Variants in SLC37A1 observed in about 807,000 individuals in gnomAD.
SLC37A1 encodes solute carrier family 37 member 1.
In SLC37A1, 49 loss-of-function variants were observed where a neutral mutation model predicts 75.3. That is an observed-to-expected ratio of 0.65 (90% confidence interval 0.52 to 0.83). The LOEUF (loss-of-function observed/expected upper bound fraction) is 0.83, where lower values mean the gene tolerates loss of function less well. SLC37A1 is among the 40% of genes least tolerant of loss of function. The pLI, the probability that SLC37A1 is intolerant of heterozygous loss-of-function variation, is 0.00. For missense variants in SLC37A1, 566 were observed against 695.0 expected, an observed-to-expected ratio of 0.81 and a Z score of 2.09; for synonymous variants, 268 against 292.1, an observed-to-expected ratio of 0.92 and a Z score of 0.84.
chr21:42,574,016 CGT>C (rs775086165), intron 17 of SLC37A1, among the ~76,000 whole-genome samples: 4 of 11,634 alleles, frequency 3.4e-4, no homozygotes, highest in Non-Finnish European at 6.6e-4. Flanking sequence ...ATCATGCACC[CGT>C]GTTTTTACAC....
chr21:42,572,720 T>C (rs2056214946), intron 17 of SLC37A1, among the ~76,000 whole-genome samples: 1 of 142,666 alleles, frequency 7.0e-6, no homozygotes, highest in South Asian at 2.3e-4. Flanking sequence ...AGCTTAGTCT[T>C]CTGTTGGCTC....
intron 2 of SLC37A1, among the ~76,000 whole-genome samples, chr21:42,521,594 C>T (rs573707522): frequency 1.3e-5 from 2 of 152,352 alleles, no homozygotes; most frequent in South Asian, 4.1e-4. Flanking sequence ...ACGTGGTCTT[C>T]CAGAACATCT....
chr21:42,524,923 G>A (rs952038286), intron 2 of SLC37A1, among the ~76,000 whole-genome samples: 2 of 152,196 alleles, frequency 1.3e-5, no homozygotes, highest in Non-Finnish European at 2.9e-5. Context: ...AACCGACCAC[G>A]TGATTAGAGG....
Position 42,539,566 on chromosome 21 carries a change from C to G in SLC37A1, c.405C>G (p.Leu135=), listed in dbSNP as rs116869533. The G allele has an allele frequency of 9.2e-4, 1,490 of 1,613,972 alleles. 16 individuals carry two copies. The African/African-American group carries it at 0.016, about 17-fold the overall frequency. Residue 135 remains leucine (L), a synonymous_variant, in exon 6 of 20, where the codon CTC becomes CTG. Transcript: ENST00000352133. ...PIRYYLTFGM[L]ASGAFTALFG... ...GGTATTACCTAACTTTCGGGATGCTCGCCAGCGGAGCCTTCACCGCCCTGT... is the reference window on the plus strand; with the variant it reads ...GGTATTACCTAACTTTCGGGATGCTGGCCAGCGGAGCCTTCACCGCCCTGT...
At position 42,580,116 on chromosome 21, in the gene SLC37A1, C is replaced by A. The variant is rs113903264; in HGVS notation, c.1587-229C>A. The stretch of plus-strand genomic sequence containing the variant: ...CTCCCTCCCTCCTCTTTTCCCTCCC[C>A]CCTTGGTCCTCCCTCGCTCCCTTCT... On this transcript the variant is annotated intron_variant, in intron 19 of 19. Coordinates refer to ENST00000352133, the MANE Select transcript of SLC37A1 (RefSeq NM_001320537.2). Among the ~76,000 whole-genome samples the A allele has an allele frequency of 1.6e-3, 240 of 152,056 alleles. 1 individual carries two copies. The highest frequency in any genetic ancestry group is 2.9e-3 in the Non-Finnish European group (197 of 67,978).
intron 5 of SLC37A1, 56 bp downstream of exon 5, chr21:42,535,606 A>C: frequency 1.4e-6 from 2 of 1,480,472 alleles, no homozygotes; most frequent in Non-Finnish European, 1.9e-6. Flanking sequence ...CTCCGTGCAG[A>C]GAAGACATCC....
Position 42,547,795 on chromosome 21 carries a change from A to T in SLC37A1, c.768+655A>T, listed in dbSNP as rs1278375040. ...CCCAAATACCATTCCTGGCACACTC[A>T]TGTAGTATTGGTGGCTGTCTTGGAA... On this transcript the variant is annotated intron_variant, in intron 9 of 19. Transcript: ENST00000352133. The surrounding 1 kb of genome is among the most constrained non-coding windows in gnomAD (Gnocchi z 6.1). 6.5e-6 allele frequency: 1 copy of T among 152,810 alleles called. No individual in the cohort carries two copies. Among genetic ancestry groups the T allele is most frequent in the African/African-American group, 2.4e-5 (1 of 41,312 alleles). The allele number at this position is 152,810 out of a possible 1,614,324, so 9.5% of individuals were successfully genotyped here. A position where few individuals can be genotyped will look rare whatever the true frequency, so the allele number is the denominator to read the frequency against.
chr21:42,506,117 T>C (rs1218093088), intron 2 of SLC37A1, among the ~76,000 whole-genome samples: 1 of 152,250 alleles, frequency 6.6e-6, no homozygotes, highest in Non-Finnish European at 1.5e-5. Flanking sequence ...CCTCGTTCAA[T>C]GTTGATACTC....
At position 42,539,569 on chromosome 21, in the gene SLC37A1, C is replaced by T; in HGVS notation, c.408C>T (p.Ala136=). Residue 136 remains alanine, a synonymous_variant, in exon 6 of 20, where the codon GCC becomes GCT. Coordinates refer to ENST00000352133, the MANE Select transcript of SLC37A1 (RefSeq NM_001320537.2). ...ATTACCTAACTTTCGGGATGCTCGCCAGCGGAGCCTTCACCGCCCTGTTCG... is the reference window on the plus strand; with the variant it reads ...ATTACCTAACTTTCGGGATGCTCGCTAGCGGAGCCTTCACCGCCCTGTTCG... ...IRYYLTFGML[A]SGAFTALFGL... is the part of the protein sequence containing the mutation. The T allele has an allele frequency of 6.2e-7, 1 of 1,614,036 alleles. No homozygotes were observed. The highest frequency in any genetic ancestry group is 8.5e-7 in the Non-Finnish European group (1 of 1,179,974).
At chr21:42,558,829 G>T in intron 10 of SLC37A1, 129 bp from the exon 11 acceptor site, 1 of 1,126,986 alleles carries the variant, frequency 8.9e-7, no homozygotes, top group Non-Finnish European at 1.3e-6. Context: ...ATGTCACCCA[G>T]GATGTCTCCA....
At position 42,539,647 on chromosome 21, in the gene SLC37A1, G is replaced by A; in HGVS notation, c.486G>A (p.Gln162=). ...IHSFGFYVVT[Q]VINGLVQTTG... ...GTTTCGGATTCTACGTGGTAACTCA[G>A]GTAAGGGTTTGGATCCGTGGCTCAC... is the stretch of plus-strand genomic sequence containing the variant. Residue 162 remains glutamine, a splice_region_variant and synonymous_variant, in exon 6 of 20, where the codon CAG becomes CAA. Coordinates refer to ENST00000352133, the MANE Select transcript of SLC37A1 (RefSeq NM_001320537.2). 1 of 1,612,828 alleles carries A rather than the reference G, an allele frequency of 6.2e-7. No homozygotes were observed.
chr21:42,573,392 C>T (rs998511288), intron 17 of SLC37A1, among the ~76,000 whole-genome samples: 3 of 152,170 alleles, frequency 2.0e-5, no homozygotes, highest in African/African-American at 2.4e-5. Flanking sequence ...TCCAGGTGTC[C>T]CTGTGCTGTC....
intron 3 of SLC37A1, among the ~76,000 whole-genome samples, chr21:42,533,097 A>AG (rs200728445): frequency 5.9e-5 from 9 of 151,926 alleles, no homozygotes; most frequent in Non-Finnish European, 7.4e-5. Context: ...CCTCCTGAAG[A>AG]GGGGGGGCAG....
At chr21:42,577,839 CAAAAGT>C (rs907823802) in intron 18 of SLC37A1, among the ~76,000 whole-genome samples, 5 of 152,002 alleles carry the variant, frequency 3.3e-5, no homozygotes, top group East Asian at 1.9e-4. Context: ...TCCGAAAAGA[CAAAAGT>C]AAAAGAATGG....
intron 5 of SLC37A1, among the ~76,000 whole-genome samples, chr21:42,536,088 A>G (rs2055130703): frequency 6.6e-6 from 1 of 152,184 alleles, no homozygotes; most frequent in Admixed American, 6.5e-5. Flanking sequence ...AACTCCAGAG[A>G]GAGACCGGCT....
intron 3 of SLC37A1, among the ~76,000 whole-genome samples, chr21:42,534,149 C>A (rs972598020): frequency 6.6e-6 from 1 of 152,184 alleles, no homozygotes; most frequent in Non-Finnish European, 1.5e-5. Context: ...TCACCTCTAG[C>A]CGCATGGATT....
intron 8 of SLC37A1, among the ~76,000 whole-genome samples, chr21:42,544,875 C>T (rs1419120885): frequency 6.6e-6 from 1 of 152,244 alleles, no homozygotes; most frequent in Non-Finnish European, 1.5e-5. Context: ...CAATGTGCCT[C>T]TCTTTGTTAG....
At chr21:42,571,797 A>G (rs886393899) in intron 17 of SLC37A1, among the ~76,000 whole-genome samples, 1 of 68,186 alleles carries the variant, frequency 1.5e-5, no homozygotes, top group African/African-American at 8.1e-5. Flanking sequence ...TTCCCGGGTA[A>G]GTAAACATCT....
intron 2 of SLC37A1, among the ~76,000 whole-genome samples, chr21:42,503,149 CA>C (rs1211477956): frequency 6.6e-6 from 1 of 151,012 alleles, no homozygotes; most frequent in Non-Finnish European, 1.5e-5. Flanking sequence ...AAGGATATAC[CA>C]AAATTATTAT....
Sources: allele counts gnomAD v4.1 joint callset (sites outside exome capture counted in the v4.1 genomes callset), GRCh38; gene constraint gnomAD v4.1.1; non-coding constraint Gnocchi (gnomAD v3.1); transcripts MANE v1.5; gene names NCBI Gene and HGNC (gene_info 2026-07-23, HGNC 2026-07-21).